Variants in IGFL2 observed in about 807,000 individuals in gnomAD.
IGFL2 encodes the protein IGF like family member 2, also known as insulin growth factor-like family member 2.
IGFL2 carries 7 observed loss-of-function variants against 13.9 expected under a neutral mutation model. That is an observed-to-expected ratio of 0.51 (90% CI 0.29 to 0.95). IGFL2 has a LOEUF of 0.95. Among genes scored for constraint, IGFL2 ranks in the 40% least tolerant of loss-of-function variants. The probability of loss-of-function intolerance (pLI) is 0.08; values close to 1 mark genes in which losing one functional copy is unlikely to be tolerated. For missense variants in IGFL2, 138 were observed against 147.8 expected, an observed-to-expected ratio of 0.93 and a Z score of 0.34; for synonymous variants, 55 against 55.8, an observed-to-expected ratio of 0.99 and a Z score of 0.07.
chr19:46,215,011 TC>T, the IGFL2 span, among the ~76,000 whole-genome samples: 1 of 152,000 alleles, frequency 6.6e-6, no homozygotes, highest in Non-Finnish European at 1.5e-5. Context: ...GATCAGCACA[TC>T]CCATCAGTGT....
the IGFL2 span, among the ~76,000 whole-genome samples, chr19:46,179,093 C>T: frequency 1.9e-4 from 29 of 150,480 alleles, no homozygotes; most frequent in Admixed American, 4.6e-4. Context: ...TGCAGGGGTC[C>T]GGGCAGATCT....
chr19:46,147,030 T>G (rs1463570223), upstream of IGFL2, among the ~76,000 whole-genome samples: 2 of 152,156 alleles, frequency 1.3e-5, no homozygotes, highest in Non-Finnish European at 2.9e-5. Context: ...GAAGGAGCGT[T>G]TCCTTGGACA....
At chr19:46,197,232 G>T in the IGFL2 span, 1 of 202,052 alleles carries the variant, frequency 4.9e-6, no homozygotes, top group East Asian at 1.2e-4. Context: ...TGGTGAAGAT[G>T]AAAGGCCAGA....
the IGFL2 span, chr19:46,137,591 C>A: frequency 3.8e-6 from 4 of 1,050,586 alleles, no homozygotes; most frequent in Non-Finnish European, 2.9e-6. Flanking sequence ...TGCAACAATA[C>A]CTTTCATTGT....
the IGFL2 span, chr19:46,189,934 C>G: frequency 6.6e-6 from 1 of 152,110 alleles, no homozygotes; most frequent in Non-Finnish European, 1.5e-5. Context: ...GCTGCCCACA[C>G]TGGGAAATGT....
the IGFL2 span, among the ~76,000 whole-genome samples, chr19:46,099,533 CTT>C: frequency 4.9e-5 from 7 of 142,456 alleles, no homozygotes; most frequent in Middle Eastern, 3.6e-3. Context: ...TTCTTTCTTT[CTT>C]TTTTTTTTTT....
the IGFL2 span, among the ~76,000 whole-genome samples, chr19:46,186,122 CA>C: frequency 6.6e-6 from 1 of 152,164 alleles, no homozygotes; most frequent in African/African-American, 2.4e-5. Flanking sequence ...GCCCAGTGAT[CA>C]CAGGAGGCTC....
the IGFL2 span, among the ~76,000 whole-genome samples, chr19:46,134,716 A>T: frequency 6.6e-6 from 1 of 152,354 alleles, no homozygotes; most frequent in African/African-American, 2.4e-5. Flanking sequence ...GGCTATGCTT[A>T]GGCAATAAGG....
chr19:46,104,637 C>T, the IGFL2 span, among the ~76,000 whole-genome samples: 2 of 152,136 alleles, frequency 1.3e-5, no homozygotes. Context: ...GTAAGTAAAT[C>T]AATTTGCCAG....
the IGFL2 span, among the ~76,000 whole-genome samples, chr19:46,120,713 G>T: frequency 6.6e-6 from 1 of 150,908 alleles, no homozygotes; most frequent in Non-Finnish European, 1.5e-5. Flanking sequence ...TTACCAAGGA[G>T]ATACAGATAT....
the IGFL2 span, among the ~76,000 whole-genome samples, chr19:46,183,603 T>G: frequency 2.6e-5 from 4 of 151,788 alleles, no homozygotes; most frequent in Non-Finnish European, 5.9e-5. Flanking sequence ...TGGGGTGATC[T>G]CTGCTCACTG....
At chr19:46,145,901 A>G (rs1328317750), upstream of IGFL2, among the ~76,000 whole-genome samples, 1 of 152,152 alleles carries the variant, frequency 6.6e-6, no homozygotes, top group African/African-American at 2.4e-5. Context: ...TATGTTAGAG[A>G]TGTGATTCAC....
chr19:46,085,848 A>G, the IGFL2 span, among the ~76,000 whole-genome samples: 1 of 152,168 alleles, frequency 6.6e-6, no homozygotes, highest in Admixed American at 6.5e-5. Context: ...ATTTGCTTGT[A>G]TGAAAAGGAT....
At chr19:46,084,391 G>T in the IGFL2 span, among the ~76,000 whole-genome samples, 3 of 152,272 alleles carry the variant, frequency 2.0e-5, no homozygotes, top group African/African-American at 7.2e-5. Context: ...AAAGTGGGGT[G>T]TTGAAGTCCC....
At chr19:46,205,523 G>A in the IGFL2 span, among the ~76,000 whole-genome samples, 159 of 152,196 alleles carry the variant, frequency 1.0e-3, 2 homozygotes, top group Non-Finnish European at 1.4e-3. Flanking sequence ...TGGGCCCTAT[G>A]GAAATCAGAT....
At chr19:46,160,947 A>T (rs1015377777) in intron 3 of IGFL2, 66 bp downstream of exon 3, 21 of 1,586,320 alleles carry the variant, frequency 1.3e-5, no homozygotes, top group Non-Finnish European at 1.7e-5. Context: ...GGGAGTCTAG[A>T]TGTCTTCATC....
At chr19:46,182,787 G>A in the IGFL2 span, among the ~76,000 whole-genome samples, 1 of 151,920 alleles carries the variant, frequency 6.6e-6, no homozygotes, top group Admixed American at 6.6e-5. Flanking sequence ...CATTGGGTCA[G>A]TGTGGCCCTG....
the IGFL2 span, among the ~76,000 whole-genome samples, chr19:46,105,062 G>A: frequency 1.3e-5 from 2 of 152,194 alleles, no homozygotes; most frequent in Non-Finnish European, 1.5e-5. Context: ...GTTGCCCTAA[G>A]CAATGGGATC....
the IGFL2 span, among the ~76,000 whole-genome samples, chr19:46,091,323 A>G: frequency 1.3e-5 from 2 of 152,208 alleles, no homozygotes; most frequent in African/African-American, 4.8e-5. Flanking sequence ...TAGTGTGAGG[A>G]GGCCATTAAG....
Sources: gnomAD v4.1 joint callset for allele counts (sites outside exome capture counted in the v4.1 genomes callset) on GRCh38, gnomAD v4.1.1 for gene constraint, MANE v1.5 for transcripts, NCBI Gene and HGNC (gene_info 2026-07-23, HGNC 2026-07-21) for gene names.